Variants in RCAN2 observed in about 807,000 individuals in gnomAD.
RCAN2 encodes calcipressin-2.
A neutral mutation model predicts 23.6 loss-of-function variants in RCAN2; 9 were observed. The observed-to-expected ratio is 0.38, with a 90% CI of 0.23 to 0.67. The LOEUF (loss-of-function observed/expected upper bound fraction) is 0.67. RCAN2 is among the 30% of genes least tolerant of loss of function. The probability of loss-of-function intolerance (pLI) is 0.51; values close to 1 mark genes in which losing one functional copy is unlikely to be tolerated. For synonymous variants in RCAN2, 109 were observed against 115.7 expected, an observed-to-expected ratio of 0.94 and a Z score of 0.37; for missense variants, 273 against 302.3, an observed-to-expected ratio of 0.90 and a Z score of 0.72.
At chr6:46,287,511 G>C (rs1242342599) in intron 2 of RCAN2, among the ~76,000 whole-genome samples, 1 of 152,150 alleles carries the variant, frequency 6.6e-6, no homozygotes. Context: ...TAGATTACTT[G>C]TACATTTCAC....
At chr6:46,328,485 T>G (rs1203858023) in intron 2 of RCAN2, among the ~76,000 whole-genome samples, 1 of 152,230 alleles carries the variant, frequency 6.6e-6, no homozygotes, top group African/African-American at 2.4e-5. Flanking sequence ...AATTAGTGGG[T>G]TTTAAACCCC....
chr6:46,423,576 C>T (rs1766947855), intron 2 of RCAN2, among the ~76,000 whole-genome samples: 1 of 152,146 alleles, frequency 6.6e-6, no homozygotes, highest in Non-Finnish European at 1.5e-5. Flanking sequence ...CAGGGTTTCA[C>T]CTTCGATAGA....
intron 1 of RCAN2, among the ~76,000 whole-genome samples, chr6:46,484,991 A>T (rs1768959160): frequency 6.6e-6 from 1 of 152,222 alleles, no homozygotes. Flanking sequence ...AAAGTTCATT[A>T]GTATAACCCG....
intron 2 of RCAN2, among the ~76,000 whole-genome samples, chr6:46,313,422 T>A (rs755478021): frequency 1.3e-5 from 2 of 152,256 alleles, no homozygotes; most frequent in Admixed American, 6.5e-5. Flanking sequence ...CAAGTGGGAC[T>A]GTCTCACTAA....
At chr6:46,464,763 G>C (rs1297277269) in intron 1 of RCAN2, among the ~76,000 whole-genome samples, 11 of 152,182 alleles carry the variant, frequency 7.2e-5, no homozygotes, top group African/African-American at 2.4e-4. Flanking sequence ...CCAACTCATA[G>C]TTTTCAAAGG....
intron 2 of RCAN2, among the ~76,000 whole-genome samples, chr6:46,346,666 G>T (rs903796209): frequency 1.3e-5 from 2 of 151,916 alleles, no homozygotes; most frequent in Non-Finnish European, 2.9e-5. Context: ...CCTGTTATAT[G>T]TAACACACAT....
At chr6:46,264,075 T>C (rs1767235454) in intron 2 of RCAN2, among the ~76,000 whole-genome samples, 2 of 152,180 alleles carry the variant, frequency 1.3e-5, no homozygotes, top group African/African-American at 4.8e-5. Context: ...TGCTACCCGG[T>C]GTTGTAGCTG....
intron 2 of RCAN2, among the ~76,000 whole-genome samples, chr6:46,391,393 G>A (rs150564875): frequency 6.6e-6 from 1 of 152,256 alleles, no homozygotes; most frequent in South Asian, 2.1e-4. Flanking sequence ...GGGGGGCAGG[G>A]CTAAAACTGG....
intron 2 of RCAN2, among the ~76,000 whole-genome samples, chr6:46,320,835 T>C (rs1181424803): frequency 6.6e-6 from 1 of 152,142 alleles, no homozygotes; most frequent in Non-Finnish European, 1.5e-5. Flanking sequence ...AAGAGAGCTA[T>C]TGGGCTTAAA....
intron 2 of RCAN2, among the ~76,000 whole-genome samples, chr6:46,374,357 A>T (rs1392870878): frequency 2.6e-5 from 4 of 152,212 alleles, no homozygotes; most frequent in Non-Finnish European, 5.9e-5. Flanking sequence ...TCTATGATGC[A>T]CAATCATCTT....
chr6:46,483,418 C>A lies in RCAN2; in HGVS notation c.-3+7755G>T, dbSNP rs988188483. ...GACACTGAACCTCCCAGTGTGATTA[C>A]AAACAGAATGGGAAGGAAATCTCCT... On this transcript the variant is annotated intron_variant, in intron 1 of 4. Transcript: ENST00000371374. Among the ~76,000 whole-genome samples the A allele has an allele frequency of 2.0e-5, 3 of 152,128 alleles. No individual in the cohort carries two copies. The South Asian group carries it at 6.2e-4, about 32-fold the overall frequency.
At chr6:46,339,842 A>G (rs1368658777) in intron 2 of RCAN2, among the ~76,000 whole-genome samples, 1 of 152,174 alleles carries the variant, frequency 6.6e-6, no homozygotes, top group Non-Finnish European at 1.5e-5. Flanking sequence ...TTAGAATCCA[A>G]TAGGAAAATA....
At chr6:46,291,585 T>A (rs1270383558) in intron 2 of RCAN2, among the ~76,000 whole-genome samples, 1 of 151,972 alleles carries the variant, frequency 6.6e-6, no homozygotes, top group Non-Finnish European at 1.5e-5. Context: ...ATTTAGTGTC[T>A]TTTTCTTCCT....
At chr6:46,479,692 C>G (rs1156354762) in intron 1 of RCAN2, among the ~76,000 whole-genome samples, 1 of 149,674 alleles carries the variant, frequency 6.7e-6, no homozygotes, top group East Asian at 2.0e-4. Context: ...AAGCAATTCT[C>G]CTGCCTCAGC....
At chr6:46,341,319 T>C (rs1764311740) in intron 2 of RCAN2, among the ~76,000 whole-genome samples, 1 of 152,164 alleles carries the variant, frequency 6.6e-6, no homozygotes, top group South Asian at 2.1e-4. Flanking sequence ...ATCTTTTGGC[T>C]TCCCTGGGCC....
intron 2 of RCAN2, among the ~76,000 whole-genome samples, chr6:46,267,464 T>G (rs1354639946): frequency 6.6e-6 from 1 of 152,178 alleles, no homozygotes; most frequent in Non-Finnish European, 1.5e-5. Context: ...GAAGATCACT[T>G]GAGCCCAGGA....
chr6:46,316,938 T>C (rs767957871), intron 2 of RCAN2, among the ~76,000 whole-genome samples: 5 of 152,224 alleles, frequency 3.3e-5, no homozygotes, highest in Non-Finnish European at 5.9e-5. Flanking sequence ...TTTCCCATTA[T>C]GAGTTGTGTG....
At chr6:46,460,002 T>C (rs1768163456) in intron 1 of RCAN2, among the ~76,000 whole-genome samples, 1 of 151,926 alleles carries the variant, frequency 6.6e-6, no homozygotes, top group Non-Finnish European at 1.5e-5. Flanking sequence ...AATAAAGAAG[T>C]ATAAAGGTCC....
chr6:46,235,366 C>T (rs1766054882), intron 4 of RCAN2, among the ~76,000 whole-genome samples: 1 of 152,160 alleles, frequency 6.6e-6, no homozygotes, highest in South Asian at 2.1e-4. Flanking sequence ...AATACAGCCA[C>T]ATCTAACAGG....
Sources: allele counts gnomAD v4.1 joint callset (sites outside exome capture counted in the v4.1 genomes callset), GRCh38; gene constraint gnomAD v4.1.1; transcripts MANE v1.5; gene names NCBI Gene and HGNC (gene_info 2026-07-23, HGNC 2026-07-21).